The following RIF1 variants were observed in gnomAD, a reference collection of about 807,000 sequenced individuals.
RIF1 encodes the protein telomere-associated protein RIF1.
In RIF1, 45 loss-of-function variants were observed where a neutral mutation model predicts 247.1. That is an observed-to-expected ratio of 0.18 (90% CI 0.14 to 0.23). The LOEUF (loss-of-function observed/expected upper bound fraction) is 0.23, where lower values mean the gene tolerates loss of function less well. RIF1 is among the 10% of genes least tolerant of loss of function. The pLI, the probability that RIF1 is intolerant of heterozygous loss-of-function variation, is 1.00. For synonymous variants in RIF1, 1,087 were observed against 978.8 expected (o/e 1.11, Z -2.06); for missense variants, 2,967 against 2,862.5 (o/e 1.04, Z -0.83).
Position 151,443,621 on chromosome 2 carries a change from A to T in RIF1, c.1898A>T (p.Asn633Ile). 1.2e-6 allele frequency: 2 copies of T among 1,612,724 alleles called. No homozygotes were observed. The highest frequency in any genetic ancestry group is 1.7e-6 in the Non-Finnish European group (2 of 1,179,502). The change falls in exon 18 of 36, where the codon AAT becomes ATT. Residue 633 changes from asparagine to isoleucine, a missense_variant. Around this residue, in one of 7 missense-constraint regions of RIF1, gnomAD observed 369 missense variants for 322.0 expected, o/e 1.15. Coordinates refer to ENST00000444746, the MANE Select transcript of RIF1 (RefSeq NM_018151.5). ...AFSDSVLNVI[N>I]QNAKQLENKE... ...AGTGACTCAGTTTTAAATGTTATTA[A>T]TCAAAATGCAAAGCAGTTGGAAAAT... is the stretch of plus-strand genomic sequence containing the variant.
At chr2:151,460,225 T>G (rs1695908924) in intron 26 of RIF1, 106 bp downstream of exon 26, 3 of 936,230 alleles carry the variant, frequency 3.2e-6, no homozygotes, top group Non-Finnish European at 4.6e-6. Flanking sequence ...AAATAAAGGT[T>G]GGGATTGCAG....
chr2:151,485,940 G>A (rs372113031), downstream of RIF1: 350 of 1,613,080 alleles, frequency 2.2e-4, 1 homozygote, highest in Non-Finnish European at 2.9e-4. Flanking sequence ...TTTTCTATTC[G>A]TGGGGATGGA....
intron 27 of RIF1, 60 bp downstream of exon 27, chr2:151,461,349 GAA>G: frequency 6.8e-7 from 1 of 1,473,134 alleles, no homozygotes; most frequent in Non-Finnish European, 9.3e-7. Flanking sequence ...TTTCATGCAA[GAA>G]AAGTGTAACT....
the RIF1 span, among the ~76,000 whole-genome samples, chr2:151,532,730 A>G: frequency 7.9e-6 from 1 of 126,602 alleles, no homozygotes; most frequent in Non-Finnish European, 1.7e-5. Flanking sequence ...AGTTGCTAAG[A>G]GGAAAGCTCA....
intron 9 of RIF1, among the ~76,000 whole-genome samples, chr2:151,487,288 A>T (rs1488399998): frequency 6.6e-6 from 1 of 152,212 alleles, no homozygotes; most frequent in Non-Finnish European, 1.5e-5. Flanking sequence ...TTGGAGGTAT[A>T]TAATAAGTGA....
intron 9 of RIF1, chr2:151,494,890 C>T (rs1003921888): frequency 3.9e-5 from 6 of 152,722 alleles, no homozygotes; most frequent in South Asian, 2.1e-4. Flanking sequence ...CCTTGTGATC[C>T]GCCCACCTTG....
downstream of RIF1, among the ~76,000 whole-genome samples, chr2:151,486,930 G>GT (rs1219986220): frequency 3.9e-5 from 6 of 152,110 alleles, no homozygotes; most frequent in East Asian, 5.8e-4. Flanking sequence ...TTTGAATACA[G>GT]TTTTTTTTAT....
intron 3 of RIF1, among the ~76,000 whole-genome samples, chr2:151,413,187 C>T (rs146382269): frequency 5.1e-4 from 78 of 152,034 alleles, no homozygotes; most frequent in African/African-American, 1.8e-3. Flanking sequence ...CCACTACGCC[C>T]AGCTACTTTT....
Position 151,503,334 on chromosome 2 carries a change from T to G in RIF1, c.*861+149T>G, listed in dbSNP as rs531906107. 23 of 1,552,764 alleles carry G rather than the reference T, an allele frequency of 1.5e-5. No homozygotes were observed. Among genetic ancestry groups the G allele is most frequent in the African/African-American group, 1.4e-4 (10 of 73,538 alleles). ...TTATGGGAAATAGTTTCTTATATGA[T>G]ATATTTGTAAATACCGAGCTAAAGT... On this transcript the variant is annotated intron_variant and NMD_transcript_variant, in intron 12 of 13. Transcript: ENST00000454583.
downstream of RIF1, among the ~76,000 whole-genome samples, chr2:151,482,736 G>C (rs2049220649): frequency 6.6e-6 from 1 of 152,182 alleles, no homozygotes; most frequent in Non-Finnish European, 1.5e-5. Context: ...TAGGGCTGCT[G>C]TAACAGTACC....
At chr2:151,483,728 TAGGAAAC>T (rs1305014963), downstream of RIF1, among the ~76,000 whole-genome samples, 1 of 152,182 alleles carries the variant, frequency 6.6e-6, no homozygotes, top group Admixed American at 6.5e-5. Flanking sequence ...CATGGCCTGT[TAGGAAAC>T]AGGCTGTACA....
chr2:151,471,468 GC>G (rs1271093614), intron 34 of RIF1, among the ~76,000 whole-genome samples: 1 of 152,134 alleles, frequency 6.6e-6, no homozygotes, highest in African/African-American at 2.4e-5. Flanking sequence ...AAATGGTATT[GC>G]CAAGGTTTTC....
At chr2:151,497,353 T>C in intron 10 of RIF1, 5 of 982,720 alleles carry the variant, frequency 5.1e-6, no homozygotes, top group Non-Finnish European at 3.6e-6. Context: ...CAGTTAGAAC[T>C]CAGTGGTGTT....
chr2:151,474,836 G>C (rs763863149), intron 35 of RIF1, 21 bp from the exon 36 acceptor site: 1 of 1,335,236 alleles, frequency 7.5e-7, no homozygotes, highest in South Asian at 1.3e-5. Context: ...ATTTAATTGT[G>C]GTTTTTTTTT....
intron 22 of RIF1, among the ~76,000 whole-genome samples, chr2:151,455,682 G>A (rs1695075336): frequency 6.6e-6 from 1 of 152,144 alleles, no homozygotes; most frequent in African/African-American, 2.4e-5. Flanking sequence ...ATGTGTGTAG[G>A]TTACATGCAA....
At chr2:151,519,359 A>G in the RIF1 span, among the ~76,000 whole-genome samples, 2 of 152,224 alleles carry the variant, frequency 1.3e-5, no homozygotes, top group Non-Finnish European at 2.9e-5. Flanking sequence ...TATGCTAAGT[A>G]AAATAAGCCA....
chr2:151,467,986 A>G lies in RIF1; in HGVS notation c.6601-14A>G, dbSNP rs746792473. ...TTTAATTTTGTTAAGTAAAATCCTG[A>G]CCTGTGTTTTCAGGTTCGCCGTGTC... On this transcript the variant is annotated splice_polypyrimidine_tract_variant and intron_variant, in intron 30 of 35. Transcript: ENST00000444746. 3 of 1,590,852 alleles carry G rather than the reference A, an allele frequency of 1.9e-6. No homozygotes were observed. In the Admixed American group the frequency reaches 5.5e-5, roughly 29 times the overall value.
the RIF1 span, chr2:151,526,084 G>A: frequency 1.2e-6 from 2 of 1,612,782 alleles, no homozygotes; most frequent in East Asian, 4.5e-5. Context: ...GGAATCCATA[G>A]AGAGCTCATT....
At position 151,466,078 on chromosome 2, in the gene RIF1, A is replaced by G. The variant is rs760452886; in HGVS notation, c.6558A>G (p.Leu2186=). 5 of 1,600,734 alleles carry G rather than the reference A, an allele frequency of 3.1e-6. No homozygotes were observed. The highest frequency in any genetic ancestry group is 4.3e-6 in the Non-Finnish European group (5 of 1,172,446). Residue 2186 remains leucine (L), a synonymous_variant, in exon 30 of 36, where the codon CTA becomes CTG. Coordinates refer to ENST00000444746, the MANE Select transcript of RIF1 (RefSeq NM_018151.5). ...CTACGAGCATTTTAAAGAGAGGACT[A>G]AAAAGATCCCAAGAAGATGAAATCT... ...SPSTSILKRG[L]KRSQEDEISS...
Sources: allele counts gnomAD v4.1 joint callset (sites outside exome capture counted in the v4.1 genomes callset), GRCh38; gene constraint gnomAD v4.1.1; regional missense constraint gnomAD v4.1.1; transcripts MANE v1.5; gene names NCBI Gene and HGNC (gene_info 2026-07-23, HGNC 2026-07-21).